The following EYA3 variants were observed in gnomAD, a reference collection of about 807,000 sequenced individuals.
The protein encoded by EYA3 is EYA transcriptional coactivator and phosphatase 3, also known as protein phosphatase EYA3.
Under a neutral mutation model 80.0 loss-of-function variants are expected in EYA3, and 39 were observed. The observed-to-expected ratio is 0.49, with a 90% CI of 0.38 to 0.64. The LOEUF is 0.64. Ranked by LOEUF, EYA3 falls within the 30% of genes least tolerant of loss-of-function variation. The pLI, the probability that EYA3 is intolerant of heterozygous loss-of-function variation, is 0.00. For synonymous variants in EYA3, 206 were observed against 232.8 expected (o/e 0.88, Z 1.05); for missense variants, 523 against 676.1 (o/e 0.77, Z 2.51).
intron 1 of EYA3, among the ~76,000 whole-genome samples, chr1:28,073,442 C>T (rs558176006): frequency 6.6e-6 from 1 of 151,278 alleles, no homozygotes; most frequent in Admixed American, 6.6e-5. Flanking sequence ...GGATTACAGG[C>T]ATGTGCCACC....
At chr1:28,026,078 G>A (rs1642767769) in intron 7 of EYA3, among the ~76,000 whole-genome samples, 1 of 152,160 alleles carries the variant, frequency 6.6e-6, no homozygotes. Flanking sequence ...TTAAAGCAAT[G>A]GGTCCTAACA....
At chr1:28,018,396 T>G (rs1321159919) in intron 7 of EYA3, among the ~76,000 whole-genome samples, 3 of 152,146 alleles carry the variant, frequency 2.0e-5, no homozygotes, top group Admixed American at 1.3e-4. Context: ...GTAACTGATA[T>G]TATCAGTACT....
chr1:27,977,311 C>T (rs1311769542), intron 17 of EYA3: 6 of 1,550,364 alleles, frequency 3.9e-6, no homozygotes, highest in African/African-American at 1.4e-5. Flanking sequence ...CTAAGGTTTC[C>T]ACTTAACTGG....
At chr1:27,995,980 C>A (rs926090325) in intron 13 of EYA3, among the ~76,000 whole-genome samples, 1 of 152,100 alleles carries the variant, frequency 6.6e-6, no homozygotes, top group Non-Finnish European at 1.5e-5. Context: ...TCAAGCAATT[C>A]TCCTGCCTCA....
chr1:28,033,662 TATTA>T (rs771490265), intron 6 of EYA3, among the ~76,000 whole-genome samples: 4 of 147,216 alleles, frequency 2.7e-5, no homozygotes, highest in East Asian at 2.0e-4. Flanking sequence ...TTATTATTAT[TATTA>T]TTATTTTTGA....
At chr1:28,061,158 G>A (rs1644609109) in intron 1 of EYA3, among the ~76,000 whole-genome samples, 1 of 152,166 alleles carries the variant, frequency 6.6e-6, no homozygotes, top group Non-Finnish European at 1.5e-5. Flanking sequence ...GGATTCTACT[G>A]GCAACATACA....
At chr1:27,982,621 C>T (rs1237209384) in intron 16 of EYA3, among the ~76,000 whole-genome samples, 1 of 151,908 alleles carries the variant, frequency 6.6e-6, no homozygotes, top group Non-Finnish European at 1.5e-5. Flanking sequence ...GAGACAGAGT[C>T]TTGCTCTGTT....
intron 1 of EYA3, among the ~76,000 whole-genome samples, chr1:28,072,817 T>G (rs998461167): frequency 6.6e-5 from 10 of 151,896 alleles, no homozygotes; most frequent in African/African-American, 2.4e-4. Context: ...TGCCAAAGAC[T>G]GGAAACAACT....
chr1:28,083,780 G>A (rs1293580497), intron 1 of EYA3, among the ~76,000 whole-genome samples: 1 of 152,066 alleles, frequency 6.6e-6, no homozygotes, highest in African/African-American at 2.4e-5. Context: ...GTTGTCTTAC[G>A]TTTAATTCAG....
At chr1:28,035,052 T>C (rs1643367633) in intron 6 of EYA3, among the ~76,000 whole-genome samples, 1 of 152,086 alleles carries the variant, frequency 6.6e-6, no homozygotes, top group South Asian at 2.1e-4. Flanking sequence ...AAATTGGGGA[T>C]TTCCGGTATT....
chr1:27,999,934 G>A, intron 12 of EYA3, 26 bp downstream of exon 12: 1 of 1,463,360 alleles, frequency 6.8e-7, no homozygotes, highest in Non-Finnish European at 9.5e-7. Context: ...TCTCAGTGAA[G>A]CACAGAAACA....
At chr1:28,065,491 T>C (rs866572047) in intron 1 of EYA3, among the ~76,000 whole-genome samples, 1 of 151,726 alleles carries the variant, frequency 6.6e-6, no homozygotes, top group African/African-American at 2.4e-5. Flanking sequence ...CAGGATAGTC[T>C]GGATCATGAT....
intron 7 of EYA3, among the ~76,000 whole-genome samples, chr1:28,026,822 T>C (rs909335836): frequency 1.3e-5 from 2 of 148,178 alleles, no homozygotes; most frequent in Non-Finnish European, 3.0e-5. Context: ...CAACAGGAGG[T>C]AAAGGTAGCT....
rs1439661476 is a variant in EYA3 at position 27,990,273 on chromosome 1, C to T, written c.1304-462G>A. 1.7e-5 allele frequency: 3 copies of T among 181,656 alleles called. No homozygotes were observed. In the East Asian group the frequency reaches 4.3e-4, roughly 26 times the overall value. The allele number at this position is 181,656 out of a possible 1,614,324, so 11.3% of individuals were successfully genotyped here. ...GCCTGCGCCCCGGTCACATCACCCA[C>T]CATCTTCCTGTCCCTAGACTTCATG... On this transcript the variant is annotated intron_variant, in intron 14 of 17. Transcript: ENST00000373871.
chr1:28,001,734 G>A (rs1640863639), intron 11 of EYA3, among the ~76,000 whole-genome samples: 1 of 107,668 alleles, frequency 9.3e-6, no homozygotes, highest in African/African-American at 3.5e-5. Context: ...GCGAGACTCT[G>A]TCTCAAAAAA....
At chr1:28,063,305 A>ATAT (rs758294998) in intron 1 of EYA3, among the ~76,000 whole-genome samples, 15 of 75,966 alleles carry the variant, frequency 2.0e-4, no homozygotes, top group Middle Eastern at 7.8e-3. Flanking sequence ...ATATATATAT[A>ATAT]TTTTTTTTTA....
intron 4 of EYA3, among the ~76,000 whole-genome samples, chr1:28,041,030 T>C (rs1643747753): frequency 6.6e-6 from 1 of 152,092 alleles, no homozygotes; most frequent in South Asian, 2.1e-4. Context: ...AATAATAGCC[T>C]CTATATCTGA....
intron 8 of EYA3, among the ~76,000 whole-genome samples, chr1:28,016,191 A>G (rs774518095): frequency 1.3e-5 from 2 of 152,226 alleles, no homozygotes; most frequent in Non-Finnish European, 2.9e-5. Context: ...TTAGAAAAAT[A>G]CCAGGTACAC....
At chr1:27,989,668 G>A (rs766042127) in intron 15 of EYA3, 29 bp downstream of exon 15, 1 of 1,417,418 alleles carries the variant, frequency 7.1e-7, no homozygotes. Context: ...TCGCTGAGAG[G>A]ATGAGACCTA....
Sources: gnomAD v4.1 joint callset for allele counts (sites outside exome capture counted in the v4.1 genomes callset) on GRCh38, gnomAD v4.1.1 for gene constraint, MANE v1.5 for transcripts, NCBI Gene and HGNC (gene_info 2026-07-23, HGNC 2026-07-21) for gene names.